Variants in TNFSF13B observed in about 807,000 individuals in gnomAD.
The protein encoded by TNFSF13B is TNF superfamily member 13b, also known as tumor necrosis factor ligand superfamily member 13B.
In TNFSF13B, 8 loss-of-function variants were observed where a neutral mutation model predicts 29.1. The ratio of observed to expected loss-of-function variants is 0.27; its 90% CI spans 0.16 to 0.50. TNFSF13B has a LOEUF of 0.50. TNFSF13B is among the 20% of genes least tolerant of loss of function. The pLI, the probability that TNFSF13B is intolerant of heterozygous loss-of-function variation, is 0.98. For missense variants in TNFSF13B, 248 were observed against 334.9 expected (o/e 0.74, Z 2.03); for synonymous variants, 125 against 130.8 (o/e 0.96, Z 0.30).
intron 3 of TNFSF13B, among the ~76,000 whole-genome samples, chr13:108,294,210 T>C (rs139440393): frequency 4.3e-4 from 66 of 151,858 alleles, no homozygotes; most frequent in African/African-American, 1.5e-3. Context: ...GATGGAGTTT[T>C]GCTCTGTTGC....
At chr13:108,294,333 C>A (rs78582712) in intron 3 of TNFSF13B, among the ~76,000 whole-genome samples, 1 of 152,010 alleles carries the variant, frequency 6.6e-6, no homozygotes, top group Non-Finnish European at 1.5e-5. Context: ...GCGCCTGCCA[C>A]CACACCCAGC....
chr13:108,281,814 A>G lies in TNFSF13B; in HGVS notation c.425-4989A>G, dbSNP rs16972215. 2.0e-3 allele frequency among the ~76,000 whole-genome samples: 305 copies of G among 152,178 alleles called. 1 individual carries two copies. The highest frequency in any genetic ancestry group is 7.0e-3 in the African/African-American group (292 of 41,506). ...AAACTAGCTTCCCTCCTCTAAATTC[A>G]TGTGTTTTAATTTCAGTGAAAATGT... On this transcript the variant is annotated intron_variant, in intron 2 of 5. Coordinates refer to ENST00000375887, the MANE Select transcript of TNFSF13B (RefSeq NM_006573.5).
At position 108,269,756 on chromosome 13, in the gene TNFSF13B, A is replaced by G; in HGVS notation, c.-140A>G. 1 of 767,442 alleles carries G rather than the reference A, an allele frequency of 1.3e-6. No homozygotes were observed. The highest frequency in any genetic ancestry group is 2.1e-6 in the Non-Finnish European group (1 of 474,504). The allele number at this position is 767,442 out of a possible 1,614,324, so 47.5% of individuals were successfully genotyped here. A position where few individuals can be genotyped will look rare whatever the true frequency, so the allele number is the denominator to read the frequency against. On this transcript the variant is annotated 5_prime_UTR_variant, in exon 1 of 6. Coordinates refer to ENST00000375887, the MANE Select transcript of TNFSF13B (RefSeq NM_006573.5). ...CAGAAAGGCAGAAAGGAGAAAATTCAGGATAACTCTCCTGAGGGGTGAGCC... is the reference window on the plus strand; with the variant it reads ...CAGAAAGGCAGAAAGGAGAAAATTCGGGATAACTCTCCTGAGGGGTGAGCC...
At chr13:108,297,549 C>T (rs1262381374) in intron 3 of TNFSF13B, among the ~76,000 whole-genome samples, 3 of 145,842 alleles carry the variant, frequency 2.1e-5, no homozygotes, top group African/African-American at 7.7e-5. Flanking sequence ...AATTTTCTCT[C>T]TCTTCTCCTT....
intron 3 of TNFSF13B, chr13:108,301,074 T>C (rs1181216702): frequency 1.3e-5 from 2 of 152,258 alleles, no homozygotes; most frequent in African/African-American, 2.4e-5. Flanking sequence ...TTATTTTATA[T>C]TCTTCCCTCC....
intron 2 of TNFSF13B, among the ~76,000 whole-genome samples, chr13:108,285,104 T>A (rs12583006): frequency 0.21 from 32,403 of 152,088 alleles, 4,164 homozygotes; most frequent in East Asian, 0.44. Flanking sequence ...ACCAAAATGC[T>A]CTGCTCCTAT....
chr13:108,279,429 T>G (rs1287554816), intron 2 of TNFSF13B, among the ~76,000 whole-genome samples: 1 of 152,190 alleles, frequency 6.6e-6, no homozygotes, highest in Non-Finnish European at 1.5e-5. Flanking sequence ...TGAATGGAGT[T>G]CCACTGGATA....
intron 5 of TNFSF13B, 76 bp downstream of exon 5, chr13:108,303,680 A>G: frequency 6.8e-7 from 1 of 1,459,918 alleles, no homozygotes; most frequent in Non-Finnish European, 9.3e-7. Context: ...GCAAAATGCA[A>G]AAATGAAAGG....
At chr13:108,278,800 A>G (rs1298347540) in intron 2 of TNFSF13B, among the ~76,000 whole-genome samples, 1 of 142,958 alleles carries the variant, frequency 7.0e-6, no homozygotes, top group Non-Finnish European at 1.5e-5. Context: ...ACAGCTCCTG[A>G]CAGCAGCTAT....
At chr13:108,306,149 T>C (rs967779488) in intron 5 of TNFSF13B, among the ~76,000 whole-genome samples, 7 of 152,108 alleles carry the variant, frequency 4.6e-5, no homozygotes, top group Non-Finnish European at 5.9e-5. Context: ...TCCTTGTAAA[T>C]TAGTTGCACA....
chr13:108,284,746 G>T (rs1416576644), intron 2 of TNFSF13B, among the ~76,000 whole-genome samples: 1 of 152,166 alleles, frequency 6.6e-6, no homozygotes, highest in African/African-American at 2.4e-5. Context: ...AGCTTTGTAT[G>T]CTCTGATTGA....
At chr13:108,276,585 A>G (rs1440914464) in intron 2 of TNFSF13B, among the ~76,000 whole-genome samples, 1 of 146,316 alleles carries the variant, frequency 6.8e-6, no homozygotes, top group Non-Finnish European at 1.5e-5. Flanking sequence ...TAGCAAATTA[A>G]AATACAAAAA....
At chr13:108,280,539 G>T (rs572008524) in intron 2 of TNFSF13B, among the ~76,000 whole-genome samples, 1 of 152,206 alleles carries the variant, frequency 6.6e-6, no homozygotes, top group South Asian at 2.1e-4. Flanking sequence ...TTCTTCACTG[G>T]CAAGCTCCTG....
At chr13:108,298,308 G>T (rs1881512193) in intron 3 of TNFSF13B, among the ~76,000 whole-genome samples, 1 of 144,884 alleles carries the variant, frequency 6.9e-6, no homozygotes, top group Admixed American at 6.8e-5. Context: ...AACGAAAAGT[G>T]AACAGATTAT....
chr13:108,303,525 T>A lies in TNFSF13B; in HGVS notation c.666T>A (p.Asp222Glu). The A allele has an allele frequency of 6.2e-7, 1 of 1,613,854 alleles. No individual in the cohort carries two copies. Among genetic ancestry groups the A allele is most frequent in the Non-Finnish European group, 8.5e-7 (1 of 1,179,838 alleles). Reference sequence around the variant, plus strand: ...GGAAGAAGGTCCATGTCTTTGGGGATGAATTGAGTCTGGTGACTTTGTTTC... The same window carrying A: ...GGAAGAAGGTCCATGTCTTTGGGGAAGAATTGAGTCTGGTGACTTTGTTTC... ...IQRKKVHVFG[D>E]ELSLVTLFRC... The change falls in exon 5 of 6, where the codon GAT becomes GAA. Residue 222 changes from aspartate to glutamate, a missense_variant. Asp to Glu is a conservative substitution (Grantham distance 45, BLOSUM62 2). Coordinates refer to ENST00000375887, the MANE Select transcript of TNFSF13B (RefSeq NM_006573.5).
chr13:108,303,361 G>T lies in TNFSF13B; in HGVS notation c.590G>T (p.Gly197Val), dbSNP rs1881683572. The change falls in exon 4 of 6, where the codon GGT becomes GTT. Residue 197 changes from glycine to valine, a missense_variant. By Grantham distance (109) the Gly-to-Val change is moderately radical. Coordinates refer to ENST00000375887, the MANE Select transcript of TNFSF13B (RefSeq NM_006573.5). The part of the protein sequence containing the change: ...VKETGYFFIY[G>V]QVLYTDKTYA... The stretch of plus-strand genomic sequence containing the variant: ...GAAACTGGTTACTTTTTTATATATG[G>T]TCAGGTAGGTTGAAACCCTAATTCT... 6.2e-7 allele frequency: 1 copy of T among 1,611,782 alleles called. No homozygotes were observed. The highest frequency in any genetic ancestry group is 1.7e-4 in the Middle Eastern group (1 of 6,044).
At chr13:108,302,429 A>G (rs549347122) in intron 3 of TNFSF13B, among the ~76,000 whole-genome samples, 1 of 152,310 alleles carries the variant, frequency 6.6e-6, no homozygotes, top group East Asian at 1.9e-4. Context: ...CACACCCATG[A>G]GAAATCCAGG....
chr13:108,303,116 C>CT (rs1881674047), intron 3 of TNFSF13B, 137 bp from the exon 4 acceptor site: 4 of 704,520 alleles, frequency 5.7e-6, no homozygotes, highest in African/African-American at 1.8e-5. Context: ...TTCCTTTTTC[C>CT]TTTTTTTTCT....
Position 108,269,817 on chromosome 13 carries a change from AAC to A in TNFSF13B, c.-75_-74del. 1.1e-5 allele frequency: 15 copies of A among 1,355,152 alleles called. No homozygotes were observed. The South Asian group carries it at 2.0e-4, about 18-fold the overall frequency. 83.9% of individuals were successfully genotyped at this position (1,355,152 alleles called of 1,614,324 possible). The stretch of plus-strand genomic sequence containing the variant: ...ATGTAGTGCACGCAGGACATCAACA[AAC>A]ACAGATAACAGGAAATGATCCATTC... On this transcript the variant is annotated 5_prime_UTR_variant, in exon 1 of 6. Coordinates refer to ENST00000375887, the MANE Select transcript of TNFSF13B (RefSeq NM_006573.5).
Sources: allele counts gnomAD v4.1 joint callset (sites outside exome capture counted in the v4.1 genomes callset), GRCh38; gene constraint gnomAD v4.1.1; transcripts MANE v1.5; gene names NCBI Gene and HGNC (gene_info 2026-07-23, HGNC 2026-07-21).